EYS: variants seen among roughly 807,000 people sequenced by gnomAD.
EYS encodes protein eyes shut homolog.
A neutral mutation model predicts 282.1 loss-of-function variants in EYS; 250 were observed. The ratio of observed to expected loss-of-function variants is 0.89; its 90% confidence interval spans 0.80 to 0.98. EYS has a LOEUF of 0.98. Ranked by LOEUF, EYS falls within the 50% of genes least tolerant of loss-of-function variation. The pLI is 0.00. For synonymous variants in EYS, 1,355 were observed against 1,282.9 expected (o/e 1.06, Z -1.20); for missense variants, 4,016 against 3,709.0 (o/e 1.08, Z -2.15).
chr6:64,444,969 G>T (rs1775071562), intron 26 of EYS, among the ~76,000 whole-genome samples: 1 of 152,170 alleles, frequency 6.6e-6, no homozygotes. Flanking sequence ...GTGCTATGCT[G>T]GTACAGCCTG....
intron 21 of EYS, among the ~76,000 whole-genome samples, chr6:64,817,824 A>G (rs1229159004): frequency 6.6e-6 from 1 of 152,142 alleles, no homozygotes; most frequent in African/African-American, 2.4e-5. Context: ...TATATGTACC[A>G]TATTTTCTTT....
chr6:64,972,258 T>C (rs1408460869), intron 14 of EYS, among the ~76,000 whole-genome samples: 1 of 152,184 alleles, frequency 6.6e-6, no homozygotes, highest in Non-Finnish European at 1.5e-5. Context: ...GGTTTTGATT[T>C]CTTTTAGGAC....
At chr6:65,161,980 A>C (rs1473170806) in intron 12 of EYS, among the ~76,000 whole-genome samples, 1 of 151,292 alleles carries the variant, frequency 6.6e-6, no homozygotes, top group Non-Finnish European at 1.5e-5. Flanking sequence ...AATTTGGTTA[A>C]ATAGCAAAGC....
intron 5 of EYS, among the ~76,000 whole-genome samples, chr6:65,415,873 A>G (rs1017227885): frequency 6.6e-6 from 1 of 152,088 alleles, no homozygotes; most frequent in African/African-American, 2.4e-5. Context: ...AGTGTCTACG[A>G]ACTCCTTGCA....
intron 12 of EYS, among the ~76,000 whole-genome samples, chr6:65,134,512 CACATGTTCTCACTT>C: frequency 6.6e-6 from 1 of 152,026 alleles, no homozygotes; most frequent in Non-Finnish European, 1.5e-5. Flanking sequence ...AACCAAATAC[CACATGTTCTCACTT>C]ATAAGGGGAA....
intron 36 of EYS, among the ~76,000 whole-genome samples, chr6:63,830,301 C>T (rs1204549589): frequency 6.6e-6 from 1 of 152,044 alleles, no homozygotes; most frequent in African/African-American, 2.4e-5. Context: ...GAACCTATCG[C>T]AAAAAAGTTA....
chr6:65,110,038 A>T (rs924633740), intron 12 of EYS, among the ~76,000 whole-genome samples: 5 of 152,142 alleles, frequency 3.3e-5, no homozygotes, highest in African/African-American at 1.2e-4. Context: ...AAACATCTCA[A>T]ACTATGTTCT....
chr6:63,954,719 G>T (rs948475402), intron 35 of EYS, among the ~76,000 whole-genome samples: 1 of 152,046 alleles, frequency 6.6e-6, no homozygotes, highest in African/African-American at 2.4e-5. Context: ...CCTACTCCCC[G>T]CTGAAACTTC....
At chr6:65,579,820 G>A (rs879539326) in intron 2 of EYS, among the ~76,000 whole-genome samples, 96 of 152,144 alleles carry the variant, frequency 6.3e-4, no homozygotes, top group Non-Finnish European at 1.3e-3. Context: ...GCAAAATTCA[G>A]TCTGTAGAAC....
intron 26 of EYS, among the ~76,000 whole-genome samples, chr6:64,503,691 TGGCCTTGACTCC>T (rs1275625556): frequency 2.6e-5 from 4 of 152,152 alleles, no homozygotes; most frequent in African/African-American, 4.8e-5. Flanking sequence ...ACCAAGAGAA[TGGCCTTGACTCC>T]GAACCATCAA....
At chr6:64,646,797 TC>T (rs1768370420) in intron 22 of EYS, among the ~76,000 whole-genome samples, 1 of 148,244 alleles carries the variant, frequency 6.7e-6, no homozygotes, top group Non-Finnish European at 1.5e-5. Context: ...AGAGCGAGAC[TC>T]CAGCTAAAAG....
chr6:65,241,825 G>C (rs1437275278), intron 12 of EYS, among the ~76,000 whole-genome samples: 1 of 152,004 alleles, frequency 6.6e-6, no homozygotes, highest in Admixed American at 6.6e-5. Flanking sequence ...TTTAGGGATT[G>C]TCTTAGGCAG....
chr6:63,813,213 C>T (rs192811868), intron 36 of EYS, among the ~76,000 whole-genome samples: 2 of 152,256 alleles, frequency 1.3e-5, no homozygotes, highest in Non-Finnish European at 2.9e-5. Context: ...CTCTTGAGCT[C>T]GAGCGATCTG....
chr6:63,951,972 C>G (rs992104330), intron 35 of EYS, among the ~76,000 whole-genome samples: 1 of 152,244 alleles, frequency 6.6e-6, no homozygotes, highest in South Asian at 2.1e-4. Context: ...AATAAAGCTC[C>G]AAAAATTAGA....
chr6:64,020,560 A>G (rs1769140514), intron 33 of EYS, among the ~76,000 whole-genome samples: 1 of 152,218 alleles, frequency 6.6e-6, no homozygotes, highest in South Asian at 2.1e-4. Context: ...TAGTAACAGG[A>G]AAAGAAATGG....
chr6:63,891,311 G>A (rs1483380520), intron 35 of EYS, among the ~76,000 whole-genome samples: 8 of 152,126 alleles, frequency 5.3e-5, no homozygotes, highest in Admixed American at 5.2e-4. Context: ...CAATATCCCT[G>A]ATGAACATCG....
At chr6:65,701,249 T>C (rs1174078940) in intron 1 of EYS, among the ~76,000 whole-genome samples, 1 of 152,222 alleles carries the variant, frequency 6.6e-6, no homozygotes, top group African/African-American at 2.4e-5. Context: ...GGCAACAGGC[T>C]ACCTATGTGC....
chr6:64,259,050 G>A (rs1767494948), intron 30 of EYS, among the ~76,000 whole-genome samples: 1 of 152,086 alleles, frequency 6.6e-6, no homozygotes, highest in Admixed American at 6.6e-5. Context: ...GCTACATGAA[G>A]TTATCTGAGG....
chr6:64,945,977 T>C (rs948914511), intron 14 of EYS, 63 bp from the exon 15 acceptor site: 73 of 1,272,064 alleles, frequency 5.7e-5, no homozygotes, highest in Middle Eastern at 4.1e-4. Context: ...ATAATACAGA[T>C]ATTACTCCTG....
Sources: gnomAD v4.1 joint callset for allele counts (sites outside exome capture counted in the v4.1 genomes callset) on GRCh38, gnomAD v4.1.1 for gene constraint, MANE v1.5 for transcripts, NCBI Gene and HGNC (gene_info 2026-07-23, HGNC 2026-07-21) for gene names.